The following CEP70 variants were observed in gnomAD, a reference collection of about 807,000 sequenced individuals.
CEP70 encodes centrosomal protein of 70 kDa.
A neutral mutation model predicts 90.9 loss-of-function variants in CEP70; 70 were observed. The observed-to-expected ratio is 0.77, with a 90% CI of 0.64 to 0.94. The LOEUF (loss-of-function observed/expected upper bound fraction) is 0.94, where lower values mean the gene tolerates loss of function less well. CEP70 is among the 40% of genes least tolerant of loss of function. The pLI is 0.00. For missense variants in CEP70, 648 were observed against 669.0 expected (o/e 0.97, Z 0.35); for synonymous variants, 220 against 228.3 (o/e 0.96, Z 0.33).
At chr3:138,530,963 T>G in intron 8 of CEP70, 1 of 369,998 alleles carries the variant, frequency 2.7e-6, no homozygotes, top group Non-Finnish European at 3.7e-6. Context: ...CTCTTTTTAT[T>G]GCTGCAAATT....
intron 6 of CEP70, among the ~76,000 whole-genome samples, chr3:138,548,149 T>C (rs375577524): frequency 8.5e-5 from 13 of 152,302 alleles, no homozygotes; most frequent in African/African-American, 3.1e-4. Flanking sequence ...CCAAATTCAA[T>C]AGCATATTAA....
intron 11 of CEP70, among the ~76,000 whole-genome samples, chr3:138,519,856 C>T (rs1261242058): frequency 6.6e-6 from 1 of 152,086 alleles, no homozygotes; most frequent in Non-Finnish European, 1.5e-5. Context: ...TGTAAATGGG[C>T]TAAATGCTCC....
At chr3:138,568,959 G>A (rs1209571320) in intron 6 of CEP70, among the ~76,000 whole-genome samples, 1 of 151,620 alleles carries the variant, frequency 6.6e-6, no homozygotes, top group Admixed American at 6.6e-5. Flanking sequence ...ACATCAGCCT[G>A]GGAAACAGAG....
chr3:138,561,031 C>T (rs760617944), intron 6 of CEP70, among the ~76,000 whole-genome samples: 1 of 152,048 alleles, frequency 6.6e-6, no homozygotes, highest in Non-Finnish European at 1.5e-5. Flanking sequence ...TCAGAGCGTT[C>T]GAGCTCTGCT....
intron 11 of CEP70, among the ~76,000 whole-genome samples, chr3:138,521,056 T>C (rs6762114): frequency 0.54 from 82,668 of 152,076 alleles, 24,036 homozygotes; most frequent in African/African-American, 0.76. Context: ...GTGATCTGCC[T>C]GCCTCGGCCT....
intron 2 of CEP70, among the ~76,000 whole-genome samples, chr3:138,585,098 CA>C (rs2042047398): frequency 6.6e-6 from 1 of 152,074 alleles, no homozygotes; most frequent in Non-Finnish European, 1.5e-5. Context: ...AATTTGAAAT[CA>C]AATTATCCTT....
At chr3:138,518,884 G>C (rs542073817) in intron 11 of CEP70, among the ~76,000 whole-genome samples, 10 of 152,088 alleles carry the variant, frequency 6.6e-5, no homozygotes, top group South Asian at 2.1e-4. Context: ...AAACTACTCC[G>C]AGCTAAAGGA....
At chr3:138,514,466 T>G (rs1228287557) in intron 11 of CEP70, among the ~76,000 whole-genome samples, 2 of 152,174 alleles carry the variant, frequency 1.3e-5, no homozygotes, top group Admixed American at 6.5e-5. Flanking sequence ...TTTTTTTTCC[T>G]ACGTTTGTAA....
chr3:138,560,400 C>G (rs892068689), intron 6 of CEP70, among the ~76,000 whole-genome samples: 1 of 152,136 alleles, frequency 6.6e-6, no homozygotes, highest in Non-Finnish European at 1.5e-5. Flanking sequence ...GTCTATGCCA[C>G]CAGGGCCCTG....
chr3:138,541,616 TA>T (rs2038775168), intron 6 of CEP70, among the ~76,000 whole-genome samples: 1 of 152,304 alleles, frequency 6.6e-6, no homozygotes, highest in Admixed American at 6.5e-5. Context: ...TTTGAAGGTA[TA>T]AAACCCATTG....
chr3:138,593,910 T>C (rs1576987812), intron 1 of CEP70: 1 of 152,202 alleles, frequency 6.6e-6, no homozygotes, highest in South Asian at 2.1e-4. Context: ...CACAACCACC[T>C]TGTAAGGCAA....
intron 6 of CEP70, among the ~76,000 whole-genome samples, chr3:138,566,716 G>A (rs183636483): frequency 1.0e-3 from 158 of 151,912 alleles, no homozygotes; most frequent in Admixed American, 6.6e-3. Flanking sequence ...TGTAGATGAC[G>A]GGTTGATGAG....
chr3:138,561,396 T>C (rs2040395272), intron 6 of CEP70, among the ~76,000 whole-genome samples: 1 of 152,008 alleles, frequency 6.6e-6, no homozygotes, highest in Non-Finnish European at 1.5e-5. Flanking sequence ...AGGTCATCAA[T>C]ATCAGAGACA....
chr3:138,536,628 T>C (rs994766020), intron 7 of CEP70, among the ~76,000 whole-genome samples: 1 of 151,936 alleles, frequency 6.6e-6, no homozygotes, highest in African/African-American at 2.4e-5. Flanking sequence ...TTATGTATTA[T>C]AGGATATAGC....
intron 4 of CEP70, 27 bp downstream of exon 4, chr3:138,571,239 T>C: frequency 1.3e-6 from 2 of 1,577,514 alleles, no homozygotes; most frequent in Non-Finnish European, 1.7e-6. Context: ...CTTTTTACCT[T>C]AAGCATCAAG....
rs531168597 is a variant in CEP70, at chr3:138,570,220, T to G, written c.465+98A>C. The G allele has an allele frequency of 6.7e-4, 508 of 753,282 alleles. 12 individuals are homozygous for G. The South Asian group carries it at 9.9e-3, about 15-fold the overall frequency. The allele number at this position is 753,282 out of a possible 1,614,324, so 46.7% of individuals were successfully genotyped here. On this transcript the variant is annotated intron_variant, in intron 6 of 17. Coordinates refer to ENST00000264982, the MANE Select transcript of CEP70 (RefSeq NM_024491.4). ...GGTAGCAGTGATAAGCCAAAAAAGG[T>G]AAAAACCACTGAATCAAACAACATG...
At chr3:138,580,829 AT>A (rs2108230973) in intron 2 of CEP70, among the ~76,000 whole-genome samples, 1 of 152,242 alleles carries the variant, frequency 6.6e-6, no homozygotes, top group South Asian at 2.1e-4. Context: ...AACTGAAATA[AT>A]TTTTTAAAGT....
At position 138,494,693 on chromosome 3, in the gene CEP70, C is replaced by G. The variant is rs570509495; in HGVS notation, c.*322G>C. On this transcript the variant is annotated 3_prime_UTR_variant, in exon 18 of 18. Coordinates refer to ENST00000264982, the MANE Select transcript of CEP70 (RefSeq NM_024491.4). ...ACAAGCTGAATCTAAAAGATTGCAA[C>G]CTACTACTTGCAATCTGTCTCCCTG... 1 of 188,900 alleles carries G rather than the reference C, an allele frequency of 5.3e-6. No individual in the cohort carries two copies. The highest frequency in any genetic ancestry group is 1.6e-4 in the East Asian group (1 of 6,330). The allele number at this position is 188,900 out of a possible 1,614,324, so 11.7% of individuals were successfully genotyped here.
chr3:138,555,787 GA>G (rs2039962572), intron 6 of CEP70, among the ~76,000 whole-genome samples: 1 of 152,158 alleles, frequency 6.6e-6, no homozygotes, highest in African/African-American at 2.4e-5. Context: ...TGGATGTGGT[GA>G]AAAGGGAAAA....
Sources: gnomAD v4.1 joint callset for allele counts (sites outside exome capture counted in the v4.1 genomes callset) on GRCh38, gnomAD v4.1.1 for gene constraint, MANE v1.5 for transcripts, NCBI Gene and HGNC (gene_info 2026-07-23, HGNC 2026-07-21) for gene names.